Variants in LINGO2 observed in about 807,000 individuals in gnomAD.
The protein encoded by LINGO2 is leucine rich repeat and Ig domain containing 2, also known as leucine-rich repeat and immunoglobulin-like domain-containing nogo receptor-interacting protein 2.
In LINGO2, 14 loss-of-function variants were observed where a neutral mutation model predicts 30.6. The observed-to-expected ratio is 0.46, with a 90% CI of 0.30 to 0.72. LINGO2 has a LOEUF of 0.72. Among genes scored for constraint, LINGO2 ranks in the 30% least tolerant of loss-of-function variants. LINGO2 has a pLI of 0.07. For missense variants in LINGO2, 729 were observed against 751.7 expected (o/e 0.97, Z 0.35); for synonymous variants, 317 against 288.5 (o/e 1.10, Z -1.00).
chr9:28,208,673 G>C (rs1200474924), intron 4 of LINGO2, among the ~76,000 whole-genome samples: 2 of 151,856 alleles, frequency 1.3e-5, no homozygotes, highest in African/African-American at 4.8e-5. Flanking sequence ...GGCTGGGTGG[G>C]GAGACCTAGG....
intron 2 of LINGO2, among the ~76,000 whole-genome samples, chr9:28,417,846 A>G (rs1402552737): frequency 6.6e-6 from 1 of 152,156 alleles, no homozygotes; most frequent in Non-Finnish European, 1.5e-5. Flanking sequence ...TCATCTCCAT[A>G]TCCCTCATCC....
rs1888815 is a variant in LINGO2, at chr9:28,337,209, A to G, written c.-246+35627T>C. Among the ~76,000 whole-genome samples, 635 of 151,706 alleles carry G rather than the reference A, an allele frequency of 4.2e-3. 9 individuals are homozygous for G. The highest frequency in any genetic ancestry group is 0.014 in the African/African-American group (595 of 41,480). On this transcript the variant is annotated intron_variant, in intron 3 of 5. Coordinates refer to ENST00000379992, the Ensembl canonical transcript of LINGO2. ...ACTTTCTCTCTTTGTGCTTTTCTGT[A>G]TTTTAGACATTTTCTACAATGCTTA...
intron 1 of LINGO2, among the ~76,000 whole-genome samples, chr9:28,487,754 T>C (rs1464938659): frequency 6.6e-6 from 1 of 152,190 alleles, no homozygotes; most frequent in Non-Finnish European, 1.5e-5. Context: ...TCCTAATTTA[T>C]TGCTGATATG....
the LINGO2 span, among the ~76,000 whole-genome samples, chr9:28,806,492 A>G: frequency 1.2e-4 from 19 of 152,300 alleles, no homozygotes; most frequent in African/African-American, 4.1e-4. Flanking sequence ...CTAAGAATCA[A>G]TTCTATCTAT....
chr9:27,986,703 A>C (rs1424721572), intron 5 of LINGO2, among the ~76,000 whole-genome samples: 2 of 151,820 alleles, frequency 1.3e-5, no homozygotes, highest in African/African-American at 4.8e-5. Context: ...CTCCTTGAGC[A>C]CTTTCTCCTT....
intron 4 of LINGO2, among the ~76,000 whole-genome samples, chr9:28,124,324 C>T (rs1216041604): frequency 6.6e-6 from 1 of 152,160 alleles, no homozygotes; most frequent in Admixed American, 6.5e-5. Context: ...GGAACAACAT[C>T]TAAGATAAGA....
the LINGO2 span, among the ~76,000 whole-genome samples, chr9:29,065,607 C>T: frequency 6.6e-6 from 1 of 151,700 alleles, no homozygotes; most frequent in East Asian, 1.9e-4. Flanking sequence ...CTTAACCTGC[C>T]CTATATTACA....
chr9:29,141,531 A>T, the LINGO2 span, among the ~76,000 whole-genome samples: 1 of 151,930 alleles, frequency 6.6e-6, no homozygotes, highest in African/African-American at 2.4e-5. Flanking sequence ...GACAGAAAAC[A>T]ATTAAGAAAA....
intron 3 of LINGO2, among the ~76,000 whole-genome samples, chr9:28,349,693 A>AT (rs1819767041): frequency 7.1e-6 from 1 of 141,046 alleles, no homozygotes. Flanking sequence ...AAGACACATA[A>AT]TTGTCAGATT....
chr9:28,376,855 T>G (rs1821151165), intron 2 of LINGO2, among the ~76,000 whole-genome samples: 1 of 152,200 alleles, frequency 6.6e-6, no homozygotes, highest in Admixed American at 6.5e-5. Flanking sequence ...TATATCTTTC[T>G]ACCTATCAAA....
At chr9:28,274,575 C>A (rs1373584221) in intron 4 of LINGO2, among the ~76,000 whole-genome samples, 1 of 152,160 alleles carries the variant, frequency 6.6e-6, no homozygotes, top group African/African-American at 2.4e-5. Context: ...ATTATTTCAA[C>A]CCTCCAAGAC....
intron 1 of LINGO2, among the ~76,000 whole-genome samples, chr9:28,601,099 G>T (rs138012807): frequency 1.3e-5 from 2 of 151,982 alleles, no homozygotes; most frequent in Admixed American, 6.6e-5. Flanking sequence ...ACCTAGCAAG[G>T]CATTTTCAAG....
the LINGO2 span, among the ~76,000 whole-genome samples, chr9:28,711,752 C>G: frequency 6.6e-6 from 1 of 152,086 alleles, no homozygotes. Context: ...GAAATAAAAA[C>G]AGCCCCAATA....
At chr9:28,805,939 GA>G in the LINGO2 span, among the ~76,000 whole-genome samples, 1 of 151,964 alleles carries the variant, frequency 6.6e-6, no homozygotes, top group African/African-American at 2.4e-5. Flanking sequence ...CAAGTGAGCA[GA>G]TAAAAACAAA....
chr9:28,286,939 A>G (rs1401363386), intron 4 of LINGO2, among the ~76,000 whole-genome samples: 4 of 152,178 alleles, frequency 2.6e-5, no homozygotes, highest in African/African-American at 9.7e-5. Context: ...ACAAACCTGC[A>G]CTTGTACCCC....
intron 1 of LINGO2, among the ~76,000 whole-genome samples, chr9:28,635,780 GA>G (rs1158753011): frequency 2.0e-5 from 3 of 152,076 alleles, no homozygotes; most frequent in African/African-American, 4.8e-5. Context: ...ATCCAATTCA[GA>G]TGATTCTCTT....
intron 1 of LINGO2, among the ~76,000 whole-genome samples, chr9:28,613,649 T>C (rs1826012550): frequency 6.6e-6 from 1 of 152,102 alleles, no homozygotes; most frequent in Non-Finnish European, 1.5e-5. Flanking sequence ...AAAGGACTAC[T>C]GGTGGGAAGG....
chr9:28,031,035 T>G (rs959328280), intron 4 of LINGO2, among the ~76,000 whole-genome samples: 1 of 152,154 alleles, frequency 6.6e-6, no homozygotes, highest in African/African-American at 2.4e-5. Context: ...TCTTATACTT[T>G]CCCAATTCTA....
intron 4 of LINGO2, among the ~76,000 whole-genome samples, chr9:28,235,104 G>A (rs989695130): frequency 6.6e-6 from 1 of 152,204 alleles, no homozygotes; most frequent in African/African-American, 2.4e-5. Context: ...TGACCTGGCA[G>A]AGTCCCAGTG....
Sources: gnomAD v4.1 joint callset for allele counts (sites outside exome capture counted in the v4.1 genomes callset) on GRCh38, gnomAD v4.1.1 for gene constraint, MANE v1.5 for transcripts, NCBI Gene and HGNC (gene_info 2026-07-23, HGNC 2026-07-21) for gene names.